The following PDCD10 variants were observed in gnomAD, a reference collection of about 807,000 sequenced individuals.
The protein encoded by PDCD10 is programmed cell death protein 10.
Under a neutral mutation model 29.2 loss-of-function variants are expected in PDCD10, and 4 were observed. The ratio of observed to expected loss-of-function variants is 0.14; its 90% CI spans 0.07 to 0.31. The LOEUF (loss-of-function observed/expected upper bound fraction) is 0.31, where lower values mean the gene tolerates loss of function less well. PDCD10 is among the 10% of genes least tolerant of loss of function. The probability of loss-of-function intolerance (pLI) is 1.00; values close to 1 mark genes in which losing one functional copy is unlikely to be tolerated. For missense variants in PDCD10, 183 were observed against 257.9 expected (o/e 0.71, Z 1.99); for synonymous variants, 70 against 82.2 (o/e 0.85, Z 0.80).
chr3:167,684,912 A>T (rs947239097), intron 8 of PDCD10, among the ~76,000 whole-genome samples: 1 of 151,622 alleles, frequency 6.6e-6, no homozygotes, highest in African/African-American at 2.4e-5. Context: ...TTAAAACAAA[A>T]TAATCATGCA....
chr3:167,710,038 G>A (rs575831259), intron 3 of PDCD10, among the ~76,000 whole-genome samples: 1 of 152,008 alleles, frequency 6.6e-6, no homozygotes, highest in South Asian at 2.1e-4. Context: ...AGGATTCATC[G>A]CCTGCTGACT....
chr3:167,722,756 G>A lies in PDCD10; in HGVS notation c.-116-2483C>T, dbSNP rs71304645. ...AACTGCAGATGTACAGGCTGCCAGA[G>A]GTAAAGGGATAAGGTAAGTGGCCAG... On this transcript the variant is annotated intron_variant, in intron 2 of 8. Transcript: ENST00000392750. Among the ~76,000 whole-genome samples, 3 of 152,228 alleles carry A rather than the reference G, an allele frequency of 2.0e-5. No individual in the cohort carries two copies. In the South Asian group the frequency reaches 6.2e-4, roughly 32 times the overall value.
rs1425325443 is a variant in PDCD10 at position 167,683,802 on chromosome 3, T to G, written c.*506A>C. 6.7e-6 allele frequency: 1 copy of G among 149,622 alleles called. No homozygotes were observed. Among genetic ancestry groups the G allele is most frequent in the South Asian group, 2.1e-4 (1 of 4,758 alleles). The allele number at this position is 149,622 out of a possible 1,614,324, so 9.3% of individuals were successfully genotyped here. A position where few individuals can be genotyped will look rare whatever the true frequency, so the allele number is the denominator to read the frequency against. The stretch of plus-strand genomic sequence containing the variant: ...CTGCTGATAAGCTCCCATTAGAAGT[T>G]TTTTAGACATTACACCAAGTTGTCT... On this transcript the variant is annotated 3_prime_UTR_variant, in exon 9 of 9. Transcript: ENST00000392750.
intron 3 of PDCD10, among the ~76,000 whole-genome samples, chr3:167,706,689 A>G (rs1206439411): frequency 6.6e-6 from 1 of 152,202 alleles, no homozygotes; most frequent in African/African-American, 2.4e-5. Flanking sequence ...TATGTGCCAC[A>G]TGACTGCATA....
At chr3:167,695,431 C>CT (rs1720698037) in intron 6 of PDCD10, among the ~76,000 whole-genome samples, 165 bp downstream of exon 6, 3 of 152,130 alleles carry the variant, frequency 2.0e-5, no homozygotes, top group African/African-American at 7.2e-5. Flanking sequence ...ATGCTGTACT[C>CT]TGAAACCAAA....
intron 2 of PDCD10, among the ~76,000 whole-genome samples, chr3:167,722,782 A>G (rs1723716099): frequency 6.6e-6 from 1 of 152,202 alleles, no homozygotes; most frequent in African/African-American, 2.4e-5. Flanking sequence ...AAGTGGCCAG[A>G]GTCACTTTCA....
In PDCD10 at chr3:167,733,211, T is replaced by C. The variant is rs374634326; in HGVS notation, c.-117+1003A>G. Among the ~76,000 whole-genome samples, 36 of 152,346 alleles carry C rather than the reference T, an allele frequency of 2.4e-4. No homozygotes were observed. The East Asian group carries it at 5.2e-3, about 22-fold the overall frequency. ...TATAAAACAGTAAGCTATGATTTAT[T>C]ACATGTTAAGAGTAAGCCATGATTT... On this transcript the variant is annotated intron_variant, in intron 2 of 8. Coordinates refer to ENST00000392750, the MANE Select transcript of PDCD10 (RefSeq NM_007217.4).
intron 2 of PDCD10, among the ~76,000 whole-genome samples, chr3:167,724,537 G>A (rs1723897113): frequency 6.6e-6 from 1 of 152,130 alleles, no homozygotes; most frequent in African/African-American, 2.4e-5. Flanking sequence ...CTTCCCAATA[G>A]AGACATTACA....
At chr3:167,726,577 T>A (rs192849977) in intron 2 of PDCD10, among the ~76,000 whole-genome samples, 3 of 152,342 alleles carry the variant, frequency 2.0e-5, no homozygotes, top group Admixed American at 1.3e-4. Flanking sequence ...ATTTCTAAAC[T>A]AGTGAGAAAC....
chr3:167,702,637 T>A (rs1332382794), intron 4 of PDCD10, among the ~76,000 whole-genome samples: 1 of 152,218 alleles, frequency 6.6e-6, no homozygotes. Flanking sequence ...TGGGAAAAAC[T>A]ATTTTAATCC....
chr3:167,717,278 T>G (rs1162252630), intron 3 of PDCD10, among the ~76,000 whole-genome samples: 1 of 151,982 alleles, frequency 6.6e-6, no homozygotes, highest in East Asian at 1.9e-4. Flanking sequence ...TAGCTAGAAA[T>G]CCTTTAAAAG....
intron 2 of PDCD10, among the ~76,000 whole-genome samples, chr3:167,721,934 CA>C (rs1309061349): frequency 6.6e-6 from 1 of 151,992 alleles, no homozygotes; most frequent in African/African-American, 2.4e-5. Context: ...CAGAAATAAA[CA>C]AGACCAAAAT....
At chr3:167,697,250 T>C in intron 4 of PDCD10, 124 bp from the exon 5 acceptor site, 4 of 656,844 alleles carry the variant, frequency 6.1e-6, no homozygotes, top group Non-Finnish European at 1.1e-5. Flanking sequence ...GCAGAAATCT[T>C]TGTAAAGCAG....
At chr3:167,726,802 G>C (rs1266943135) in intron 2 of PDCD10, among the ~76,000 whole-genome samples, 2 of 152,080 alleles carry the variant, frequency 1.3e-5, no homozygotes, top group African/African-American at 4.8e-5. Context: ...ATGACTGAGA[G>C]AGTTAGTGCT....
At chr3:167,710,316 A>G (rs1256423693) in intron 3 of PDCD10, among the ~76,000 whole-genome samples, 1 of 152,198 alleles carries the variant, frequency 6.6e-6, no homozygotes, top group Admixed American at 6.5e-5. Flanking sequence ...GTCCTGGCCC[A>G]GAGAGGAGCC....
Position 167,683,893 on chromosome 3 carries a change from A to G in PDCD10, c.*415T>C, listed in dbSNP as rs1424775678. 1.2e-5 allele frequency: 2 copies of G among 170,022 alleles called. No individual in the cohort carries two copies. The highest frequency in any genetic ancestry group is 2.5e-5 in the Non-Finnish European group (2 of 78,850). 10.5% of individuals were successfully genotyped at this position (170,022 alleles called of 1,614,324 possible). ...CACACATATATATATGCATTTTTTC[A>G]AGTAAAGAAATGTTTAACAGATGTA... On this transcript the variant is annotated 3_prime_UTR_variant, in exon 9 of 9. Coordinates refer to ENST00000392750, the MANE Select transcript of PDCD10 (RefSeq NM_007217.4).
intron 6 of PDCD10, among the ~76,000 whole-genome samples, chr3:167,691,464 G>A (rs1184099646): frequency 6.6e-6 from 1 of 152,166 alleles, no homozygotes; most frequent in Non-Finnish European, 1.5e-5. Context: ...CTCTGTCAAT[G>A]ACTATAGACA....
chr3:167,697,161 A>G, intron 4 of PDCD10, 35 bp from the exon 5 acceptor site: 1 of 1,114,718 alleles, frequency 9.0e-7, no homozygotes, highest in Non-Finnish European at 1.4e-6. Flanking sequence ...TGAAATACAG[A>G]TAAGGAATCA....
intron 3 of PDCD10, among the ~76,000 whole-genome samples, chr3:167,705,706 A>C (rs1721904670): frequency 1.3e-5 from 2 of 152,204 alleles, no homozygotes; most frequent in Admixed American, 1.3e-4. Flanking sequence ...ACTTCTAACA[A>C]ATCTTGTAAA....
Sources: gnomAD v4.1 joint callset for allele counts (sites outside exome capture counted in the v4.1 genomes callset) on GRCh38, gnomAD v4.1.1 for gene constraint, MANE v1.5 for transcripts, NCBI Gene and HGNC (gene_info 2026-07-23, HGNC 2026-07-21) for gene names.